Variants in VAV3 observed in about 807,000 individuals in gnomAD.
VAV3 encodes the protein vav guanine nucleotide exchange factor 3.
VAV3 carries 94 observed loss-of-function variants against 131.2 expected under a neutral mutation model. That is an observed-to-expected ratio of 0.72 (90% CI 0.61 to 0.85). The LOEUF (loss-of-function observed/expected upper bound fraction) is 0.85. Ranked by LOEUF, VAV3 falls within the 40% of genes least tolerant of loss-of-function variation. VAV3 has a pLI of 0.00. For synonymous variants in VAV3, 349 were observed against 342.0 expected (o/e 1.02, Z -0.22); for missense variants, 939 against 1,002.7 (o/e 0.94, Z 0.86).
At chr1:107,756,387 T>C (rs1281831178) in intron 11 of VAV3, among the ~76,000 whole-genome samples, 1 of 152,152 alleles carries the variant, frequency 6.6e-6, no homozygotes, top group Non-Finnish European at 1.5e-5. Context: ...TTTCATAGGA[T>C]AGATCCATAA....
At chr1:107,908,874 C>A (rs866939623) in intron 1 of VAV3, among the ~76,000 whole-genome samples, 6 of 123,144 alleles carry the variant, frequency 4.9e-5, no homozygotes, top group African/African-American at 1.8e-4. Context: ...CACACACACA[C>A]AATATAAAAC....
At chr1:107,887,985 T>C (rs1345859989) in intron 1 of VAV3, among the ~76,000 whole-genome samples, 1 of 149,962 alleles carries the variant, frequency 6.7e-6, no homozygotes, top group Non-Finnish European at 1.5e-5. Flanking sequence ...CCAGGCTGTT[T>C]TGGTTCTATC....
intron 17 of VAV3, among the ~76,000 whole-genome samples, chr1:107,700,821 T>C (rs1354586374): frequency 2.0e-5 from 3 of 152,196 alleles, no homozygotes; most frequent in Admixed American, 2.0e-4. Context: ...TGCCTAGTAA[T>C]GGGATTGCTG....
intron 2 of VAV3, among the ~76,000 whole-genome samples, chr1:107,817,460 A>G (rs1667607708): frequency 6.6e-6 from 1 of 152,174 alleles, no homozygotes; most frequent in African/African-American, 2.4e-5. Flanking sequence ...TCAGATTATA[A>G]AAAATCTTCC....
At chr1:107,869,529 A>G (rs1481530271) in intron 2 of VAV3, among the ~76,000 whole-genome samples, 1 of 152,140 alleles carries the variant, frequency 6.6e-6, no homozygotes, top group East Asian at 1.9e-4. Flanking sequence ...AACTCAATAC[A>G]TGGATGAGGA....
intron 19 of VAV3, among the ~76,000 whole-genome samples, chr1:107,672,840 T>C (rs569684176): frequency 6.6e-6 from 1 of 152,316 alleles, no homozygotes; most frequent in Admixed American, 6.5e-5. Context: ...TAAGATACTA[T>C]TATTTTCCTA....
chr1:107,778,739 G>C (rs1665518234), intron 3 of VAV3, among the ~76,000 whole-genome samples: 1 of 152,150 alleles, frequency 6.6e-6, no homozygotes, highest in South Asian at 2.1e-4. Context: ...AAACAAATTT[G>C]ATCCATTTCC....
At chr1:107,873,054 A>C (rs1670324586) in intron 2 of VAV3, among the ~76,000 whole-genome samples, 1 of 152,196 alleles carries the variant, frequency 6.6e-6, no homozygotes, top group South Asian at 2.1e-4. Flanking sequence ...CAGTAGCAAA[A>C]TGTAAGTGAC....
At chr1:107,879,798 G>A (rs1670680788) in intron 1 of VAV3, among the ~76,000 whole-genome samples, 1 of 151,980 alleles carries the variant, frequency 6.6e-6, no homozygotes, top group Non-Finnish European at 1.5e-5. Flanking sequence ...AGAATTTCAG[G>A]ACTTAGAATT....
At chr1:107,798,809 C>A (rs779418451) in intron 2 of VAV3, among the ~76,000 whole-genome samples, 1 of 150,018 alleles carries the variant, frequency 6.7e-6, no homozygotes, top group East Asian at 2.0e-4. Flanking sequence ...TATGAAATTG[C>A]GCTTTTCTAT....
At chr1:107,934,921 A>AGAGGACCAGG (rs1432113412) in intron 1 of VAV3, among the ~76,000 whole-genome samples, 1 of 152,252 alleles carries the variant, frequency 6.6e-6, no homozygotes, top group Non-Finnish European at 1.5e-5. Flanking sequence ...CGACCAGGCT[A>AGAGGACCAGG]TCTGCAGCTT....
intron 20 of VAV3, among the ~76,000 whole-genome samples, chr1:107,640,265 C>T (rs1570665619): frequency 6.6e-6 from 1 of 152,234 alleles, no homozygotes; most frequent in East Asian, 1.9e-4. Flanking sequence ...TATCTCCACA[C>T]ATGGAACGAT....
At chr1:107,873,148 C>CA (rs1399606806) in intron 2 of VAV3, among the ~76,000 whole-genome samples, 1 of 152,104 alleles carries the variant, frequency 6.6e-6, no homozygotes, top group Non-Finnish European at 1.5e-5. Flanking sequence ...TTTAAGCAGT[C>CA]AAAAATACAT....
At chr1:107,849,529 C>T (rs959867337) in intron 2 of VAV3, among the ~76,000 whole-genome samples, 7 of 151,970 alleles carry the variant, frequency 4.6e-5, no homozygotes, top group Admixed American at 1.3e-4. Flanking sequence ...TAACCATATG[C>T]AGAACACTGA....
chr1:107,753,549 T>TATATATATGTATATATATATACAC (rs771773884), intron 12 of VAV3, among the ~76,000 whole-genome samples: 1 of 82,052 alleles, frequency 1.2e-5, no homozygotes, highest in Non-Finnish European at 2.5e-5. Context: ...TATATATATA[T>TATATATATGTATATATATATACAC]ACACACACAC....
chr1:107,845,829 G>A (rs574607187), intron 2 of VAV3, among the ~76,000 whole-genome samples: 2 of 152,302 alleles, frequency 1.3e-5, no homozygotes, highest in Non-Finnish European at 2.9e-5. Flanking sequence ...TTTGATTGGT[G>A]TACCTGAAAG....
At chr1:107,845,669 C>T (rs189188500) in intron 2 of VAV3, among the ~76,000 whole-genome samples, 262 of 151,852 alleles carry the variant, frequency 1.7e-3, no homozygotes, top group African/African-American at 6.3e-3. Flanking sequence ...GTATCAACAG[C>T]CAAATAGATC....
At chr1:107,962,200 C>G (rs889859374) in intron 1 of VAV3, among the ~76,000 whole-genome samples, 4 of 152,136 alleles carry the variant, frequency 2.6e-5, no homozygotes, top group African/African-American at 7.2e-5. Flanking sequence ...TACCAAAACG[C>G]CACAAGTACT....
At chr1:107,745,064 T>G (rs1663251827) in intron 15 of VAV3, among the ~76,000 whole-genome samples, 1 of 152,204 alleles carries the variant, frequency 6.6e-6, no homozygotes, top group Non-Finnish European at 1.5e-5. Flanking sequence ...AACAAAATTT[T>G]GAACATTGCT....
Sources: allele counts gnomAD v4.1 joint callset (sites outside exome capture counted in the v4.1 genomes callset), GRCh38; gene constraint gnomAD v4.1.1; transcripts MANE v1.5; gene names NCBI Gene and HGNC (gene_info 2026-07-23, HGNC 2026-07-21).